GRID2: variants seen among roughly 807,000 people sequenced by gnomAD.
The protein encoded by GRID2 is glutamate receptor ionotropic, delta-2.
In GRID2, 33 loss-of-function variants were observed where a neutral mutation model predicts 114.8. That is an observed-to-expected ratio of 0.29 (90% CI 0.22 to 0.38). GRID2 has a LOEUF of 0.38. Ranked by LOEUF, GRID2 falls within the 10% of genes least tolerant of loss-of-function variation. The pLI, the probability that GRID2 is intolerant of heterozygous loss-of-function variation, is 1.00. For missense variants in GRID2, 1,184 were observed against 1,257.7 expected, an observed-to-expected ratio of 0.94 and a Z score of 0.89; for synonymous variants, 505 against 449.9, an observed-to-expected ratio of 1.12 and a Z score of -1.55.
At chr4:92,810,611 A>G (rs1013653636) in intron 2 of GRID2, among the ~76,000 whole-genome samples, 11 of 152,070 alleles carry the variant, frequency 7.2e-5, no homozygotes, top group Non-Finnish European at 1.0e-4. Flanking sequence ...GTTGTGTGTA[A>G]ATCTGATTCA....
chr4:92,427,747 A>C (rs1560622879), intron 1 of GRID2, among the ~76,000 whole-genome samples: 1 of 151,622 alleles, frequency 6.6e-6, no homozygotes. Flanking sequence ...AATGAATATA[A>C]TAAGCCCAAC....
intron 2 of GRID2, among the ~76,000 whole-genome samples, chr4:92,973,986 T>C (rs1433513084): frequency 6.6e-6 from 1 of 151,964 alleles, no homozygotes; most frequent in Non-Finnish European, 1.5e-5. Flanking sequence ...TAAACAAATT[T>C]ACCAGAAAGA....
intron 4 of GRID2, among the ~76,000 whole-genome samples, chr4:93,145,453 GTATTTATT>G (rs948645585): frequency 7.1e-6 from 1 of 140,222 alleles, no homozygotes. Context: ...ATTTGTATTT[GTATTTATT>G]TATTTATTTA....
intron 1 of GRID2, among the ~76,000 whole-genome samples, chr4:92,448,958 C>T (rs1365489686): frequency 1.3e-5 from 2 of 152,022 alleles, no homozygotes; most frequent in Non-Finnish European, 2.9e-5. Flanking sequence ...TCATATTGCT[C>T]ATGTAATAGA....
intron 3 of GRID2, among the ~76,000 whole-genome samples, chr4:93,086,679 A>G (rs570285794): frequency 1.3e-5 from 2 of 152,312 alleles, no homozygotes; most frequent in South Asian, 2.1e-4. Context: ...TCACAGAACA[A>G]AGTCTAAGAG....
intron 4 of GRID2, among the ~76,000 whole-genome samples, chr4:93,198,824 GA>G (rs1249335523): frequency 1.3e-5 from 2 of 152,170 alleles, no homozygotes; most frequent in Non-Finnish European, 2.9e-5. Context: ...GAATAGACTT[GA>G]AAAACTTTAT....
intron 14 of GRID2, among the ~76,000 whole-genome samples, chr4:93,656,721 T>G (rs1723028218): frequency 7.5e-6 from 1 of 133,552 alleles, no homozygotes; most frequent in South Asian, 2.5e-4. Context: ...TCCCAGCTAC[T>G]CGGGAGGCTG....
At chr4:92,649,961 A>T (rs1307945716) in intron 2 of GRID2, among the ~76,000 whole-genome samples, 1 of 152,030 alleles carries the variant, frequency 6.6e-6, no homozygotes, top group East Asian at 1.9e-4. Flanking sequence ...AGGGTTTATC[A>T]GACATAACTC....
At position 92,936,047 on chromosome 4, in the gene GRID2, A is replaced by T. The variant is rs1275692879; in HGVS notation, c.245-148948A>T. 4.8e-5 allele frequency among the ~76,000 whole-genome samples: 7 copies of T among 146,206 alleles called. 2 individuals are homozygous for T. Among genetic ancestry groups the T allele is most frequent in the Non-Finnish European group, 1.1e-4 (7 of 66,046 alleles). ...ACTTAAAGTATAATAATAATAAAATAAAAAAAAGAAATTTAAATGCTGTCT... is the reference window on the plus strand; with the variant it reads ...ACTTAAAGTATAATAATAATAAAATTAAAAAAAGAAATTTAAATGCTGTCT... On this transcript the variant is annotated intron_variant, in intron 2 of 15. Transcript: ENST00000282020.
intron 13 of GRID2, among the ~76,000 whole-genome samples, chr4:93,585,198 T>A (rs751169694): frequency 3.9e-5 from 6 of 152,126 alleles, no homozygotes; most frequent in Non-Finnish European, 7.4e-5. Flanking sequence ...AGGATCATAC[T>A]GGCAAACCTG....
In GRID2 at chr4:92,866,404, T is replaced by A. The variant is rs17019968; in HGVS notation, c.245-218591T>A. On this transcript the variant is annotated intron_variant, in intron 2 of 15. Transcript: ENST00000282020. ...CCATCAGATTCTATTCAGAGGTAAG[T>A]ATTCACTTTTGTGCCTTCTTTGCCT... is the stretch of plus-strand genomic sequence containing the variant. Among the ~76,000 whole-genome samples, 903 of 152,314 alleles carry A rather than the reference T, an allele frequency of 5.9e-3. 16 individuals carry two copies. Among genetic ancestry groups the A allele is most frequent in the African/African-American group, 0.021 (857 of 41,580 alleles).
At chr4:92,739,340 C>A (rs1579946375) in intron 2 of GRID2, among the ~76,000 whole-genome samples, 2 of 152,108 alleles carry the variant, frequency 1.3e-5, no homozygotes, top group South Asian at 4.1e-4. Context: ...CCATGTTTAG[C>A]CTTTTGACAA....
chr4:92,948,918 A>G (rs1751835938), intron 2 of GRID2, among the ~76,000 whole-genome samples: 1 of 151,938 alleles, frequency 6.6e-6, no homozygotes, highest in Non-Finnish European at 1.5e-5. Context: ...AAATCTAGGA[A>G]TAATATCAGT....
chr4:93,158,363 C>G (rs1737368363), intron 4 of GRID2, among the ~76,000 whole-genome samples: 1 of 151,682 alleles, frequency 6.6e-6, no homozygotes. Flanking sequence ...GTAGGTGAAG[C>G]CTCCAATAGT....
intron 2 of GRID2, among the ~76,000 whole-genome samples, chr4:92,924,482 T>C (rs370525850): frequency 1.3e-5 from 2 of 152,146 alleles, no homozygotes; most frequent in African/African-American, 4.8e-5. Flanking sequence ...TCGTCACCAT[T>C]TCTGAAATTA....
chr4:93,472,634 A>G (rs1724951864), intron 11 of GRID2, among the ~76,000 whole-genome samples: 1 of 152,300 alleles, frequency 6.6e-6, no homozygotes, highest in East Asian at 1.9e-4. Context: ...CCATTTTTGC[A>G]TATGAATGGA....
chr4:93,777,881 T>A (rs1734397829), downstream of GRID2, among the ~76,000 whole-genome samples: 2 of 152,330 alleles, frequency 1.3e-5, no homozygotes, highest in Admixed American at 6.5e-5. Context: ...ATTATTAAAT[T>A]GCTGCTACTG....
At chr4:93,267,937 A>AG (rs1035467679) in intron 8 of GRID2, among the ~76,000 whole-genome samples, 4 of 151,854 alleles carry the variant, frequency 2.6e-5, no homozygotes, top group Non-Finnish European at 5.9e-5. Flanking sequence ...GCTACTCCCC[A>AG]AGTCAGATCT....
intron 14 of GRID2, among the ~76,000 whole-genome samples, chr4:93,628,939 G>T (rs1461746034): frequency 6.6e-6 from 1 of 151,858 alleles, no homozygotes; most frequent in Non-Finnish European, 1.5e-5. Flanking sequence ...CTAATTTTTT[G>T]TATTTTTAGT....
Sources: gnomAD v4.1 joint callset for allele counts (sites outside exome capture counted in the v4.1 genomes callset) on GRCh38, gnomAD v4.1.1 for gene constraint, MANE v1.5 for transcripts, NCBI Gene and HGNC (gene_info 2026-07-23, HGNC 2026-07-21) for gene names.